Variants in DISP1 observed in about 807,000 individuals in gnomAD.
The protein encoded by DISP1 is protein dispatched homolog 1.
A neutral mutation model predicts 37.3 loss-of-function variants in DISP1; 30 were observed. The ratio of observed to expected loss-of-function variants is 0.80; its 90% confidence interval spans 0.60 to 1.09. The LOEUF (loss-of-function observed/expected upper bound fraction) is 1.09, where lower values mean the gene tolerates loss of function less well. Ranked by LOEUF, DISP1 falls within the 50% of genes least tolerant of loss-of-function variation. The pLI is 0.00. For missense variants in DISP1, 1,598 were observed against 1,879.5 expected (o/e 0.85, Z 2.77); for synonymous variants, 634 against 690.2 (o/e 0.92, Z 1.28).
chr1:222,898,508 T>C (rs960372080), intron 1 of DISP1, among the ~76,000 whole-genome samples: 1 of 151,870 alleles, frequency 6.6e-6, no homozygotes, highest in African/African-American at 2.4e-5. Context: ...ATTAATACAC[T>C]TATCCCTTAA....
At chr1:222,819,912 A>C (rs924319250) in intron 1 of DISP1, among the ~76,000 whole-genome samples, 1 of 152,096 alleles carries the variant, frequency 6.6e-6, no homozygotes. Context: ...ATATTTTTAA[A>C]GTTTATGCTC....
At chr1:222,827,615 C>G (rs1318886736) in intron 1 of DISP1, 1 of 151,998 alleles carries the variant, frequency 6.6e-6, no homozygotes, top group Non-Finnish European at 1.5e-5. Flanking sequence ...AGTTATACAT[C>G]TTTAAATTTA....
At chr1:222,954,583 G>A (rs934798017) in intron 3 of DISP1, among the ~76,000 whole-genome samples, 1 of 152,194 alleles carries the variant, frequency 6.6e-6, no homozygotes, top group Non-Finnish European at 1.5e-5. Flanking sequence ...GGAGAAGGAT[G>A]ATTTCAGCAA....
rs769475530 is a variant in DISP1, at chr1:222,943,344, GA to G, written c.509+15del. The G allele has an allele frequency of 9.9e-6, 16 of 1,614,094 alleles. No individual in the cohort carries two copies. The highest frequency in any genetic ancestry group is 2.2e-5 in the East Asian group (1 of 44,896). On this transcript the variant is annotated intron_variant, in intron 3 of 8. Coordinates refer to ENST00000675850, the MANE Select transcript of DISP1 (RefSeq NM_001377229.1). ...ATAGCCAACATAAGGTAAGTGATCC[GA>G]AAGTTTTGCTTTTAGCATTCAACTA...
chr1:222,979,683 GC>G, intron 3 of DISP1: 1 of 470,780 alleles, frequency 2.1e-6, no homozygotes, highest in Non-Finnish European at 4.4e-6. Context: ...TTCACTGAAA[GC>G]CCAGTCTGTG....
chr1:222,912,726 A>G (rs1175164224), intron 1 of DISP1, among the ~76,000 whole-genome samples: 3 of 152,216 alleles, frequency 2.0e-5, no homozygotes, highest in Non-Finnish European at 4.4e-5. Context: ...GTTTCTTTTT[A>G]ACTTTATTTT....
At chr1:222,935,372 A>G (rs1370846634) in intron 2 of DISP1, among the ~76,000 whole-genome samples, 1 of 152,194 alleles carries the variant, frequency 6.6e-6, no homozygotes, top group African/African-American at 2.4e-5. Context: ...TCTAAAATAC[A>G]TCATCTGAGT....
chr1:222,979,742 G>A (rs551045277), intron 3 of DISP1: 52 of 458,284 alleles, frequency 1.1e-4, no homozygotes, highest in African/African-American at 7.0e-4. Flanking sequence ...CCTGCACTCC[G>A]TCCCTCTATG....
chr1:222,979,429 A>C (rs568333767), intron 3 of DISP1, among the ~76,000 whole-genome samples: 7 of 140,724 alleles, frequency 5.0e-5, no homozygotes, highest in Non-Finnish European at 7.9e-5. Context: ...TAAATTTAAA[A>C]ATTTTTAAAT....
rs572462648 is a variant in DISP1, at chr1:222,858,810, A to G, written c.-159+43732A>G. On this transcript the variant is annotated intron_variant, in intron 1 of 8. Transcript: ENST00000675850. Reference sequence around the variant, plus strand: ...CCATCTAACACAATTCAGAGTGGTGATTATTAAAACGTCTAGAAACAACAG... The same window carrying G: ...CCATCTAACACAATTCAGAGTGGTGGTTATTAAAACGTCTAGAAACAACAG... 3.3e-5 allele frequency among the ~76,000 whole-genome samples: 5 copies of G among 152,334 alleles called. No individual in the cohort carries two copies. The East Asian group carries it at 7.7e-4, about 23-fold the overall frequency.
chr1:222,921,997 C>G (rs1414464966), intron 1 of DISP1, among the ~76,000 whole-genome samples: 1 of 152,120 alleles, frequency 6.6e-6, no homozygotes, highest in African/African-American at 2.4e-5. Flanking sequence ...GAGAAGGTTT[C>G]ATGTTGTTTG....
At chr1:222,980,050 T>C (rs1677719248) in intron 3 of DISP1, among the ~76,000 whole-genome samples, 1 of 152,068 alleles carries the variant, frequency 6.6e-6, no homozygotes, top group South Asian at 2.1e-4. Context: ...GTAAAAGATC[T>C]GGGGAAAAAA....
intron 4 of DISP1, among the ~76,000 whole-genome samples, chr1:222,983,547 G>A (rs1677997162): frequency 2.0e-5 from 3 of 152,170 alleles, no homozygotes; most frequent in Admixed American, 2.0e-4. Context: ...AACCTGGGAG[G>A]TGGCAGTTGC....
intron 1 of DISP1, among the ~76,000 whole-genome samples, chr1:222,890,915 AAGGACATCAGTCATACTGG>A (rs941552910): frequency 6.6e-6 from 1 of 152,006 alleles, no homozygotes; most frequent in African/African-American, 2.4e-5. Context: ...CTCTTTTTAT[AAGGACATCAGTCATACTGG>A]AGTAGGGACC....
intron 1 of DISP1, among the ~76,000 whole-genome samples, chr1:222,876,614 A>G (rs1669988783): frequency 6.6e-6 from 1 of 152,242 alleles, no homozygotes; most frequent in Admixed American, 6.5e-5. Context: ...GTGTATGAAT[A>G]TAAATTTCAA....
At chr1:222,988,853 A>G (rs1365878079) in intron 4 of DISP1, among the ~76,000 whole-genome samples, 1 of 151,980 alleles carries the variant, frequency 6.6e-6, no homozygotes, top group Non-Finnish European at 1.5e-5. Flanking sequence ...GAGTTTCACC[A>G]TGTTGGCCAG....
intron 1 of DISP1, among the ~76,000 whole-genome samples, chr1:222,846,037 T>G (rs1667876218): frequency 6.6e-6 from 1 of 152,264 alleles, no homozygotes; most frequent in Admixed American, 6.5e-5. Flanking sequence ...AAGATTTATT[T>G]CTAGATTTTC....
intron 2 of DISP1, among the ~76,000 whole-genome samples, chr1:222,938,730 C>CT (rs1674148936): frequency 1.4e-5 from 1 of 69,202 alleles, no homozygotes; most frequent in African/African-American, 6.1e-5. Flanking sequence ...AAGACCCTGT[C>CT]TTTAAAAAAA....
chr1:222,822,348 C>G (rs1487182090), intron 1 of DISP1, among the ~76,000 whole-genome samples: 1 of 152,120 alleles, frequency 6.6e-6, no homozygotes, highest in Non-Finnish European at 1.5e-5. Context: ...AGGAAGGGTT[C>G]TTTCTGGAAC....
Sources: gnomAD v4.1 joint callset for allele counts (sites outside exome capture counted in the v4.1 genomes callset) on GRCh38, gnomAD v4.1.1 for gene constraint, MANE v1.5 for transcripts, NCBI Gene and HGNC (gene_info 2026-07-23, HGNC 2026-07-21) for gene names.